Variants in RIMS1 observed in about 807,000 individuals in gnomAD.
RIMS1 encodes regulating synaptic membrane exocytosis 1.
In RIMS1, 83 loss-of-function variants were observed where a neutral mutation model predicts 214.1. The observed-to-expected ratio is 0.39, with a 90% CI of 0.32 to 0.47. The LOEUF is 0.47. Ranked by LOEUF, RIMS1 falls within the 20% of genes least tolerant of loss-of-function variation. The pLI is 0.99. For synonymous variants in RIMS1, 793 were observed against 786.8 expected, an observed-to-expected ratio of 1.01 and a Z score of -0.13; for missense variants, 2,050 against 2,161.8, an observed-to-expected ratio of 0.95 and a Z score of 1.03.
rs116047668 is a variant in RIMS1, at chr6:72,273,881, A to G, written c.3399-468A>G. Reference sequence around the variant, plus strand: ...TACTTAACTGTGCTCCTTACTTTGTATTAAATTCACACATCCCCACCTTTG... The same window carrying G: ...TACTTAACTGTGCTCCTTACTTTGTGTTAAATTCACACATCCCCACCTTTG... On this transcript the variant is annotated intron_variant, in intron 22 of 33. Transcript: ENST00000521978. 3.8e-3 allele frequency among the ~76,000 whole-genome samples: 575 copies of G among 152,296 alleles called. 6 individuals carry two copies. Among genetic ancestry groups the G allele is most frequent in the African/African-American group, 0.012 (511 of 41,572 alleles).
intron 6 of RIMS1, among the ~76,000 whole-genome samples, chr6:72,214,439 T>C (rs190877337): frequency 1.3e-5 from 2 of 152,252 alleles, no homozygotes; most frequent in African/African-American, 4.8e-5. Flanking sequence ...ATTTGATAAA[T>C]TTTCTTATAT....
intron 1 of RIMS1, among the ~76,000 whole-genome samples, chr6:71,900,364 T>A (rs1350898171): frequency 6.6e-6 from 1 of 152,188 alleles, no homozygotes; most frequent in Admixed American, 6.5e-5. Flanking sequence ...GCCCACCAGG[T>A]CATGTTTTAG....
At chr6:72,138,824 G>C (rs2041716670) in intron 4 of RIMS1, among the ~76,000 whole-genome samples, 1 of 152,144 alleles carries the variant, frequency 6.6e-6, no homozygotes, top group South Asian at 2.1e-4. Flanking sequence ...TGGGGGTTTT[G>C]AGAAGTGGTC....
intron 26 of RIMS1, among the ~76,000 whole-genome samples, chr6:72,300,317 A>G (rs2094489789): frequency 1.3e-5 from 2 of 151,806 alleles, no homozygotes; most frequent in South Asian, 2.1e-4. Flanking sequence ...ATTGAGGAAA[A>G]CAAATGTCTA....
In RIMS1 at chr6:72,399,109, G is replaced by A. The variant is rs553488575; in HGVS notation, c.4860+15G>A. On this transcript the variant is annotated intron_variant, in intron 33 of 33. Coordinates refer to ENST00000521978, the MANE Select transcript of RIMS1 (RefSeq NM_014989.7). ...AAGTTCTTCAGGTCAGTAATAGTTT[G>A]TTTGGCTTTTTACATTGAAATGTCT... 171 of 1,563,768 alleles carry A rather than the reference G, an allele frequency of 1.1e-4. No homozygotes were observed. The East Asian group carries it at 3.8e-3, about 35-fold the overall frequency.
chr6:72,378,457 T>TA (rs1373456819), intron 29 of RIMS1, among the ~76,000 whole-genome samples: 1 of 152,236 alleles, frequency 6.6e-6, no homozygotes, highest in Non-Finnish European at 1.5e-5. Context: ...ATCTATAACT[T>TA]GTGCAGTACA....
chr6:72,056,628 C>A (rs1231137085), intron 2 of RIMS1, among the ~76,000 whole-genome samples: 2 of 152,104 alleles, frequency 1.3e-5, no homozygotes, highest in African/African-American at 4.8e-5. Flanking sequence ...TTCTACCATG[C>A]CAGCCCTATG....
chr6:71,995,451 C>CGTGTGTGTGTGTGT (rs59174738), intron 2 of RIMS1, among the ~76,000 whole-genome samples: 31 of 144,400 alleles, frequency 2.1e-4, no homozygotes, highest in Non-Finnish European at 3.2e-4. Flanking sequence ...TGTAATATGA[C>CGTGTGTGTGTGTGT]GTGTGTGTGT....
At chr6:72,194,432 AGTTT>A (rs1201236822) in intron 6 of RIMS1, among the ~76,000 whole-genome samples, 9 of 152,134 alleles carry the variant, frequency 5.9e-5, no homozygotes, top group African/African-American at 1.9e-4. Flanking sequence ...TTTTATGCTG[AGTTT>A]GTTCTTATGT....
intron 28 of RIMS1, among the ~76,000 whole-genome samples, chr6:72,323,532 T>C (rs2096280303): frequency 1.3e-5 from 2 of 151,476 alleles, no homozygotes; most frequent in African/African-American, 4.8e-5. Flanking sequence ...GTAGAAAGTA[T>C]AGGAGTTGAT....
intron 24 of RIMS1, among the ~76,000 whole-genome samples, chr6:72,285,029 A>G (rs182403821): frequency 8.3e-4 from 127 of 152,280 alleles, no homozygotes; most frequent in South Asian, 5.4e-3. Context: ...GTTTGGGGAA[A>G]TGGTACCAGT....
intron 4 of RIMS1, among the ~76,000 whole-genome samples, chr6:72,125,150 A>G (rs1469320059): frequency 6.6e-6 from 1 of 152,164 alleles, no homozygotes; most frequent in African/African-American, 2.4e-5. Flanking sequence ...ATGGTGACAT[A>G]TAGATGGGGT....
rs2091599611 is a variant in RIMS1, at chr6:72,284,526, T to C, written c.3554+408T>C. On this transcript the variant is annotated intron_variant, in intron 24 of 33. Coordinates refer to ENST00000521978, the MANE Select transcript of RIMS1 (RefSeq NM_014989.7). ...TAAATAATGCCATCTTTTAAAAAAA[T>C]CACTTTTCTACAAATATATATTCTA... is the stretch of plus-strand genomic sequence containing the variant. Among the ~76,000 whole-genome samples the C allele has an allele frequency of 2.6e-5, 4 of 152,262 alleles. No individual in the cohort carries two copies. In the South Asian group the frequency reaches 8.3e-4, roughly 32 times the overall value.
In RIMS1 at chr6:71,954,846, GCACA is replaced by G. The variant is rs57226234; in HGVS notation, c.165-14117_165-14114del. ...TAAAACATCACAATACCACTCCTCAGCACACACACACACACACACACACTCCACA... is the reference window on the plus strand; with the variant it reads ...TAAAACATCACAATACCACTCCTCAGCACACACACACACACACACTCCACA... On this transcript the variant is annotated intron_variant, in intron 1 of 33. Coordinates refer to ENST00000521978, the MANE Select transcript of RIMS1 (RefSeq NM_014989.7). Among the ~76,000 whole-genome samples, 49 of 144,886 alleles carry G rather than the reference GCACA, an allele frequency of 3.4e-4. No homozygotes were observed. In the South Asian group the frequency reaches 3.8e-3, roughly 11 times the overall value.
intron 1 of RIMS1, among the ~76,000 whole-genome samples, chr6:71,903,634 A>G (rs567722041): frequency 1.6e-4 from 25 of 152,146 alleles, no homozygotes; most frequent in Non-Finnish European, 3.2e-4. Context: ...CAGAGTCTAC[A>G]AGGAATGTAA....
intron 4 of RIMS1, among the ~76,000 whole-genome samples, chr6:72,130,646 T>G (rs1278315108): frequency 2.0e-5 from 3 of 152,138 alleles, no homozygotes; most frequent in Non-Finnish European, 4.4e-5. Flanking sequence ...AGTTATTATC[T>G]TTTCTTCCAC....
chr6:72,134,296 A>G (rs2040919597), intron 4 of RIMS1, among the ~76,000 whole-genome samples: 1 of 151,980 alleles, frequency 6.6e-6, no homozygotes, highest in African/African-American at 2.4e-5. Flanking sequence ...TTATTGTGAT[A>G]TATATTTATA....
chr6:72,263,198 T>C, intron 19 of RIMS1: 1 of 985,116 alleles, frequency 1.0e-6, no homozygotes, highest in Middle Eastern at 5.2e-4. Flanking sequence ...ACACACAGCA[T>C]ATTAAAGTCA....
At chr6:72,025,941 A>G (rs1186582161) in intron 2 of RIMS1, among the ~76,000 whole-genome samples, 1 of 152,220 alleles carries the variant, frequency 6.6e-6, no homozygotes, top group Non-Finnish European at 1.5e-5. Context: ...GGATCTCTCC[A>G]TGGAGCCACT....
Sources: gnomAD v4.1 joint callset for allele counts (sites outside exome capture counted in the v4.1 genomes callset) on GRCh38, gnomAD v4.1.1 for gene constraint, MANE v1.5 for transcripts, NCBI Gene and HGNC (gene_info 2026-07-23, HGNC 2026-07-21) for gene names.